Variants in HECTD4 observed in about 807,000 individuals in gnomAD.
The protein encoded by HECTD4 is HECT domain E3 ubiquitin protein ligase 4.
HECTD4 carries 114 observed loss-of-function variants against 471.5 expected under a neutral mutation model. The observed-to-expected ratio is 0.24, with a 90% CI of 0.21 to 0.28. HECTD4 has a LOEUF of 0.28. Among genes scored for constraint, HECTD4 ranks in the 10% least tolerant of loss-of-function variants. The probability of loss-of-function intolerance (pLI) is 1.00; values close to 1 mark genes in which losing one functional copy is unlikely to be tolerated. For synonymous variants in HECTD4, 2,012 were observed against 2,256.0 expected, an observed-to-expected ratio of 0.89 and a Z score of 3.07; for missense variants, 3,866 against 5,651.5, an observed-to-expected ratio of 0.68 and a Z score of 10.13.
rs557240005 is a variant in HECTD4 at position 112,346,051 on chromosome 12, T to C, written c.178-26309A>G. ...TGGAATAAGAAGCTTCCATTCGCTA[T>C]AGTCCTTAACCTGGAAAACCACAGC... On this transcript the variant is annotated intron_variant, in intron 1 of 75. Coordinates refer to ENST00000682272, the MANE Select transcript of HECTD4 (RefSeq NM_001388303.1). Among the ~76,000 whole-genome samples the C allele has an allele frequency of 7.2e-5, 11 of 152,334 alleles. No homozygotes were observed. The East Asian group carries it at 1.7e-3, about 24-fold the overall frequency.
intron 1 of HECTD4, among the ~76,000 whole-genome samples, chr12:112,347,302 G>A (rs1222311089): frequency 6.6e-6 from 1 of 152,092 alleles, no homozygotes; most frequent in African/African-American, 2.4e-5. Context: ...TTGAGGCCGG[G>A]AGTTCAAGAC....
At chr12:112,292,225 G>A (rs751650548) in intron 7 of HECTD4, among the ~76,000 whole-genome samples, 1 of 152,104 alleles carries the variant, frequency 6.6e-6, no homozygotes, top group African/African-American at 2.4e-5. Flanking sequence ...CCAACCTCAT[G>A]CCTATCTCAG....
At position 112,235,252 on chromosome 12, in the gene HECTD4, G is replaced by A; in HGVS notation, c.5740C>T (p.Leu1914Phe). The A allele has an allele frequency of 6.2e-7, 1 of 1,613,540 alleles. No individual in the cohort carries two copies. The highest frequency in any genetic ancestry group is 8.5e-7 in the Non-Finnish European group (1 of 1,179,750). The change falls in exon 37 of 76, where the codon CTT (leucine) becomes TTT (phenylalanine). Residue 1914 changes from leucine to phenylalanine, a missense_variant. This residue lies in a region of HECTD4 where 617 missense variants were observed against 915.1 expected (regional missense o/e 0.67). Transcript: ENST00000682272. This position sits in a 1 kb window ranked among gnomAD's most constrained non-coding sequence, Gnocchi z 5.0. ...TCAGGTTCAGAAGCGGTTGGAGAAA[G>A]AACTGTCTGACATCCTTTAAGCAAA... The part of the protein sequence containing the change: ...DYVVPGCQTV[L>F]SPTASEPDTT...
At position 112,167,803 on chromosome 12, in the gene HECTD4, C is replaced by G. The variant is rs575484275; in HGVS notation, c.12312+11G>C. ...TCGGGGGCGTGGAGCCTCCTCCCGG[C>G]CTCTGCCTACCTTGTTCTTATTGAC... On this transcript the variant is annotated intron_variant, in intron 71 of 75. Coordinates refer to ENST00000682272, the MANE Select transcript of HECTD4 (RefSeq NM_001388303.1). 1 of 1,611,128 alleles carries G rather than the reference C, an allele frequency of 6.2e-7. No homozygotes were observed. The highest frequency in any genetic ancestry group is 1.3e-5 in the African/African-American group (1 of 75,000).
rs2033599754 is a variant in HECTD4, at chr12:112,239,968, G to A, written c.5018C>T (p.Thr1673Ile). 1 of 1,613,884 alleles carries A rather than the reference G, an allele frequency of 6.2e-7. No individual in the cohort carries two copies. The highest frequency in any genetic ancestry group is 1.3e-5 in the African/African-American group (1 of 74,928). ...ACACAGAGACACAACAGAGGTCATG[G>A]TCTCGCCAAAGGCTTCCTGGACCTG... Reference protein sequence around the residue: ...VEQVQEAFGETMTSVVSLCAR... With the variant: ...VEQVQEAFGEIMTSVVSLCAR... Residue 1673 changes from threonine to isoleucine, a missense_variant, in exon 33 of 76, where the codon ACC becomes ATC. Physicochemically the swap from Thr to Ile is moderately conservative, Grantham distance 89. This residue lies in a region of HECTD4 where 229 missense variants were observed against 386.4 expected (regional missense o/e 0.59). Transcript: ENST00000682272. The surrounding 1 kb of genome is among the most constrained non-coding windows in gnomAD (Gnocchi z 4.9).
intron 10 of HECTD4, 33 bp downstream of exon 10, chr12:112,274,814 T>C (rs2034492445): frequency 7.3e-7 from 1 of 1,367,818 alleles, no homozygotes; most frequent in Non-Finnish European, 1.0e-6. Flanking sequence ...AAACTTGAAA[T>C]TTTCCAAAGA....
chr12:112,358,901 C>T (rs893568841), intron 1 of HECTD4, among the ~76,000 whole-genome samples: 7 of 152,014 alleles, frequency 4.6e-5, no homozygotes, highest in Non-Finnish European at 2.9e-5. Context: ...GCCGGCCGGG[C>T]GCGGTGGCTC....
rs769961233 is a variant in HECTD4, at chr12:112,161,472, G to A, written c.*915C>T. The stretch of plus-strand genomic sequence containing the variant: ...GGTGTGGCCCTTTCCCTTGTCCTAC[G>A]TCACTGCAGGGAGGAAGGGCCATTT... On this transcript the variant is annotated 3_prime_UTR_variant, in exon 76 of 76. Transcript: ENST00000682272. The A allele has an allele frequency of 4.6e-5, 7 of 152,138 alleles. No homozygotes were observed. The highest frequency in any genetic ancestry group is 9.7e-5 in the African/African-American group (4 of 41,422). The allele number at this position is 152,138 out of a possible 1,614,324, so 9.4% of individuals were successfully genotyped here. A position where few individuals can be genotyped will look rare whatever the true frequency, so the allele number is the denominator to read the frequency against.
chr12:112,194,714 G>T lies in HECTD4; in HGVS notation c.8749+171C>A, dbSNP rs141673119. Among the ~76,000 whole-genome samples the T allele has an allele frequency of 6.6e-6, 1 of 152,256 alleles. No individual in the cohort carries two copies. The highest frequency in any genetic ancestry group is 1.9e-4 in the East Asian group (1 of 5,188). ...AAGTGAGTAATCCATTACATTTTTCGAAGAGTGAGAAAGCCCTGCCAGGAG... is the reference window on the plus strand; with the variant it reads ...AAGTGAGTAATCCATTACATTTTTCTAAGAGTGAGAAAGCCCTGCCAGGAG... On this transcript the variant is annotated intron_variant, in intron 56 of 75. Transcript: ENST00000682272. The surrounding 1 kb of genome is among the most constrained non-coding windows in gnomAD (Gnocchi z 4.6).
chr12:112,176,824 T>C (rs542407901), intron 64 of HECTD4, 122 bp from the exon 65 acceptor site: 7 of 789,956 alleles, frequency 8.9e-6, no homozygotes, highest in Non-Finnish European at 1.3e-5. Context: ...AGGGCTCAGA[T>C]AGGGCGGGGG....
At chr12:112,343,548 T>G (rs979933812) in intron 1 of HECTD4, among the ~76,000 whole-genome samples, 5 of 151,912 alleles carry the variant, frequency 3.3e-5, no homozygotes, top group African/African-American at 1.2e-4. Context: ...GGAGGGAGGA[T>G]CACTTGAGGT....
chr12:112,295,822 T>C lies in HECTD4; in HGVS notation c.1335+10242A>G, dbSNP rs201156380. Among the ~76,000 whole-genome samples, 27 of 129,918 alleles carry C rather than the reference T, an allele frequency of 2.1e-4. No homozygotes were observed. The East Asian group carries it at 3.3e-3, about 16-fold the overall frequency. The allele number at this position is 129,918 out of a possible 152,430, so 85.2% of individuals were successfully genotyped here. The stretch of plus-strand genomic sequence containing the variant: ...AAATTAAAAAAAAAATATATATATA[T>C]ATACACACACACACACACACATAGT... On this transcript the variant is annotated intron_variant, in intron 7 of 75. Coordinates refer to ENST00000682272, the MANE Select transcript of HECTD4 (RefSeq NM_001388303.1).
chr12:112,200,915 T>C, intron 54 of HECTD4, 117 bp from the exon 55 acceptor site: 1 of 849,110 alleles, frequency 1.2e-6, no homozygotes, highest in Non-Finnish European at 1.8e-6. Flanking sequence ...GTGTGTGTAT[T>C]TTCAGTCCAG....
intron 66 of HECTD4, 94 bp from the exon 67 acceptor site, chr12:112,172,955 T>C: frequency 9.1e-7 from 1 of 1,102,530 alleles, no homozygotes. Context: ...CCTCAGCTCC[T>C]GGAGCACATT....
chr12:112,243,594 T>C lies in HECTD4; in HGVS notation c.4791+26A>G, dbSNP rs1473947353. The C allele has an allele frequency of 1.9e-6, 3 of 1,605,518 alleles. No homozygotes were observed. In the Admixed American group the frequency reaches 5.1e-5, roughly 27 times the overall value. ...CCCGCATGCTGTTAGGTGCTATTCATCTGGAGCCCGCAAAATGTGACGTAC... is the reference window on the plus strand; with the variant it reads ...CCCGCATGCTGTTAGGTGCTATTCACCTGGAGCCCGCAAAATGTGACGTAC... On this transcript the variant is annotated intron_variant, in intron 31 of 75. Coordinates refer to ENST00000682272, the MANE Select transcript of HECTD4 (RefSeq NM_001388303.1). This position sits in a 1 kb window ranked among gnomAD's most constrained non-coding sequence, Gnocchi z 6.6.
At chr12:112,329,834 A>G (rs2035812262) in intron 1 of HECTD4, among the ~76,000 whole-genome samples, 1 of 152,216 alleles carries the variant, frequency 6.6e-6, no homozygotes, top group Non-Finnish European at 1.5e-5. Flanking sequence ...GAGGTTGGGT[A>G]CAGTGGCTCA....
chr12:112,250,278 G>A lies in HECTD4; in HGVS notation c.3816C>T (p.Thr1272=). The A allele has an allele frequency of 4.3e-6, 7 of 1,613,950 alleles. No individual in the cohort carries two copies. Among genetic ancestry groups the A allele is most frequent in the Non-Finnish European group, 5.9e-6 (7 of 1,179,840 alleles). Residue 1272 remains threonine (T), a synonymous_variant, in exon 25 of 76, where the codon ACC becomes ACT. Transcript: ENST00000682272. ...GAGGCACGAGGACATCAGAGGGGTA[G>A]GTGAATTCTCTGTCTTCCTCTATGG... is the stretch of plus-strand genomic sequence containing the variant. The part of the protein sequence containing the change: ...PLTIEEDREF[T]YPSDVLVPPV...
chr12:112,176,603 T>C lies in HECTD4; in HGVS notation c.11463A>G (p.Lys3821=). Residue 3821 remains lysine (K), a synonymous_variant, in exon 65 of 76, where the codon AAA becomes AAG. Coordinates refer to ENST00000682272, the MANE Select transcript of HECTD4 (RefSeq NM_001388303.1). Reference sequence around the variant, plus strand: ...CCCCGTCTGCTCATTCACCTTCTTGTTTTTTGGTAGGTGACTTTTCTGGGT... The same window carrying C: ...CCCCGTCTGCTCATTCACCTTCTTGCTTTTTGGTAGGTGACTTTTCTGGGT... The part of the protein sequence containing the change: ...EKDPEKSPTK[K]QEVPEEKYLT... 1 of 1,611,680 alleles carries C rather than the reference T, an allele frequency of 6.2e-7. No homozygotes were observed. Among genetic ancestry groups the C allele is most frequent in the Non-Finnish European group, 8.5e-7 (1 of 1,177,796 alleles).
At chr12:112,208,303 G>A (rs2032655903) in intron 51 of HECTD4, among the ~76,000 whole-genome samples, 191 bp downstream of exon 51, 1 of 152,194 alleles carries the variant, frequency 6.6e-6, no homozygotes, top group South Asian at 2.1e-4. Context: ...ATGGCCCAAC[G>A]GATATCGCTA....
Sources: allele counts gnomAD v4.1 joint callset (sites outside exome capture counted in the v4.1 genomes callset), GRCh38; gene constraint gnomAD v4.1.1; regional missense constraint gnomAD v4.1.1; non-coding constraint Gnocchi (gnomAD v3.1); transcripts MANE v1.5; gene names NCBI Gene and HGNC (gene_info 2026-07-23, HGNC 2026-07-21).